Variants in IQCB1 observed in about 807,000 individuals in gnomAD.
IQCB1 encodes the protein IQ calmodulin-binding motif-containing protein 1.
In IQCB1, 56 loss-of-function variants were observed where a neutral mutation model predicts 84.4. The ratio of observed to expected loss-of-function variants is 0.66; its 90% confidence interval spans 0.54 to 0.83. IQCB1 has a LOEUF of 0.83. Ranked by LOEUF, IQCB1 falls within the 40% of genes least tolerant of loss-of-function variation. The pLI, the probability that IQCB1 is intolerant of heterozygous loss-of-function variation, is 0.00. For missense variants in IQCB1, 629 were observed against 682.1 expected, an observed-to-expected ratio of 0.92 and a Z score of 0.87; for synonymous variants, 210 against 234.8, an observed-to-expected ratio of 0.89 and a Z score of 0.96.
chr3:121,814,135 T>C (rs4676694), intron 5 of IQCB1, among the ~76,000 whole-genome samples: 97,915 of 152,024 alleles, frequency 0.64, 32,020 homozygotes, highest in African/African-American at 0.72. Context: ...AACCACACAA[T>C]TACATGGAAA....
intron 10 of IQCB1, among the ~76,000 whole-genome samples, chr3:121,793,620 C>A (rs560295616): frequency 2.6e-5 from 4 of 152,104 alleles, no homozygotes; most frequent in Non-Finnish European, 4.4e-5. Context: ...AGGTTAGAAC[C>A]GCATTTCAGT....
intron 5 of IQCB1, among the ~76,000 whole-genome samples, chr3:121,818,074 C>A (rs1477274299): frequency 6.6e-6 from 1 of 152,162 alleles, no homozygotes; most frequent in Non-Finnish European, 1.5e-5. Context: ...TTACAGCAGC[C>A]TGAACAGAGT....
chr3:121,788,470 G>A (rs1196997398), intron 11 of IQCB1, 38 bp from the exon 12 acceptor site: 2 of 1,579,248 alleles, frequency 1.3e-6, no homozygotes, highest in South Asian at 2.2e-5. Flanking sequence ...CATACTCACT[G>A]CCATGCTTTC....
chr3:121,778,219 T>C (rs1948308599), intron 13 of IQCB1, among the ~76,000 whole-genome samples: 1 of 152,184 alleles, frequency 6.6e-6, no homozygotes, highest in South Asian at 2.1e-4. Context: ...TTGCCCACTT[T>C]TTAATGGGGT....
At chr3:121,786,616 C>T (rs1203447376) in intron 12 of IQCB1, among the ~76,000 whole-genome samples, 1 of 152,104 alleles carries the variant, frequency 6.6e-6, no homozygotes, top group Non-Finnish European at 1.5e-5. Context: ...TGACCCATCC[C>T]TTTTTGCTCT....
chr3:121,828,851 A>C lies in IQCB1; in HGVS notation c.100+10T>G. 6.7e-7 allele frequency: 1 copy of C among 1,499,962 alleles called. No individual in the cohort carries two copies. Among genetic ancestry groups the C allele is most frequent in the Non-Finnish European group, 9.3e-7 (1 of 1,077,934 alleles). The allele number at this position is 1,499,962 out of a possible 1,614,324, so 92.9% of individuals were successfully genotyped here. On this transcript the variant is annotated intron_variant, in intron 3 of 14. Coordinates refer to ENST00000310864, the MANE Select transcript of IQCB1 (RefSeq NM_001023570.4). ...TAAAATGCTATCTAATCACAAAAAG[A>C]TTTTCTTACCTTTTAACTTCAACAG...
intron 14 of IQCB1, among the ~76,000 whole-genome samples, chr3:121,771,482 C>T (rs1159465615): frequency 6.6e-6 from 1 of 151,962 alleles, no homozygotes; most frequent in African/African-American, 2.4e-5. Context: ...GCACCCGCCA[C>T]CATGCCCAGC....
At chr3:121,807,246 A>G (rs1210892619) in intron 7 of IQCB1, 98 bp downstream of exon 7, 2 of 732,060 alleles carry the variant, frequency 2.7e-6, no homozygotes, top group East Asian at 5.1e-5. Flanking sequence ...TATACATTAT[A>G]TACAAATCAT....
chr3:121,803,575 T>C (rs1189542941), intron 7 of IQCB1, among the ~76,000 whole-genome samples: 1 of 152,230 alleles, frequency 6.6e-6, no homozygotes, highest in African/African-American at 2.4e-5. Context: ...TATTAACATC[T>C]TTTGCTTTAA....
At chr3:121,794,004 G>A (rs1463238736) in intron 10 of IQCB1, among the ~76,000 whole-genome samples, 1 of 152,070 alleles carries the variant, frequency 6.6e-6, no homozygotes, top group Non-Finnish European at 1.5e-5. Context: ...GAATCCATAA[G>A]TAATACCTAC....
At chr3:121,789,730 G>C (rs889819275) in intron 11 of IQCB1, among the ~76,000 whole-genome samples, 13 of 152,204 alleles carry the variant, frequency 8.5e-5, no homozygotes, top group Admixed American at 8.5e-4. Flanking sequence ...GTTAAACTCT[G>C]ATGGCAGAAT....
intron 7 of IQCB1, among the ~76,000 whole-genome samples, chr3:121,801,810 C>CTTTTTTTTT (rs5852277): frequency 1.1e-4 from 10 of 89,912 alleles, no homozygotes; most frequent in African/African-American, 1.4e-4. Flanking sequence ...GCTGCAAGGC[C>CTTTTTTTTT]TTTTTTTTTT....
chr3:121,818,521 G>A (rs1950158020), intron 5 of IQCB1, among the ~76,000 whole-genome samples: 2 of 152,226 alleles, frequency 1.3e-5, no homozygotes, highest in African/African-American at 4.8e-5. Context: ...GGGCCCAGCA[G>A]CTAGAAGTCA....
Position 121,828,842 on chromosome 3 carries a change from C to T in IQCB1, c.100+19G>A, listed in dbSNP as rs1228789254. 1 of 1,421,028 alleles carries T rather than the reference C, an allele frequency of 7.0e-7. No individual in the cohort carries two copies. The highest frequency in any genetic ancestry group is 1.1e-5 in the South Asian group (1 of 86,988). The allele number at this position is 1,421,028 out of a possible 1,614,324, so 88.0% of individuals were successfully genotyped here. ...TTTTTCACTTAAAATGCTATCTAAT[C>T]ACAAAAAGATTTTCTTACCTTTTAA... is the stretch of plus-strand genomic sequence containing the variant. On this transcript the variant is annotated intron_variant, in intron 3 of 14. Transcript: ENST00000310864.
rs1339940992 is a variant in IQCB1 at position 121,790,065 on chromosome 3, C to T, written c.1129+8G>A. ...TCTTATATTGATAAAGTTGATACTGCCACTCACCTGGATGAACTATTTCGA... is the reference window on the plus strand; with the variant it reads ...TCTTATATTGATAAAGTTGATACTGTCACTCACCTGGATGAACTATTTCGA... On this transcript the variant is annotated splice_region_variant and intron_variant, in intron 11 of 14. Transcript: ENST00000310864. 2 of 1,609,578 alleles carry T rather than the reference C, an allele frequency of 1.2e-6. No homozygotes were observed. Among genetic ancestry groups the T allele is most frequent in the Non-Finnish European group, 1.7e-6 (2 of 1,176,004 alleles).
chr3:121,795,063 C>T (rs796156141), intron 10 of IQCB1, among the ~76,000 whole-genome samples: 10 of 152,154 alleles, frequency 6.6e-5, no homozygotes, highest in African/African-American at 2.2e-4. Context: ...TCCATCCATG[C>T]CATATTTATT....
At chr3:121,776,210 T>C (rs6781175) in intron 13 of IQCB1, among the ~76,000 whole-genome samples, 97,869 of 151,948 alleles carry the variant, frequency 0.64, 31,972 homozygotes, top group African/African-American at 0.71. Flanking sequence ...TGGGCGTGAG[T>C]CACCATGCCC....
chr3:121,809,173 A>C (rs559876465), intron 5 of IQCB1, among the ~76,000 whole-genome samples, 164 bp from the exon 6 acceptor site: 157 of 151,744 alleles, frequency 1.0e-3, no homozygotes, highest in Non-Finnish European at 1.2e-3. Flanking sequence ...TAATTTGTAA[A>C]ACTTGTGGTT....
intron 5 of IQCB1, among the ~76,000 whole-genome samples, chr3:121,813,490 C>T (rs1949914861): frequency 6.6e-6 from 1 of 152,092 alleles, no homozygotes; most frequent in South Asian, 2.1e-4. Context: ...ATTGTATAAA[C>T]TGTCTAAACC....
Sources: gnomAD v4.1 joint callset for allele counts (sites outside exome capture counted in the v4.1 genomes callset) on GRCh38, gnomAD v4.1.1 for gene constraint, MANE v1.5 for transcripts, NCBI Gene and HGNC (gene_info 2026-07-23, HGNC 2026-07-21) for gene names.